The following CTIF variants were observed in gnomAD, a reference collection of about 807,000 sequenced individuals.
CTIF encodes CBP80/20-dependent translation initiation factor.
A neutral mutation model predicts 66.0 loss-of-function variants in CTIF; 21 were observed. The observed-to-expected ratio is 0.32, with a 90% CI of 0.23 to 0.46. CTIF has a LOEUF of 0.46. Among genes scored for constraint, CTIF ranks in the 20% least tolerant of loss-of-function variants. The pLI is 1.00. For synonymous variants in CTIF, 345 were observed against 326.4 expected, an observed-to-expected ratio of 1.06 and a Z score of -0.62; for missense variants, 739 against 812.7, an observed-to-expected ratio of 0.91 and a Z score of 1.10.
At chr18:48,839,149 C>G (rs2068880623) in intron 10 of CTIF, among the ~76,000 whole-genome samples, 1 of 152,162 alleles carries the variant, frequency 6.6e-6, no homozygotes, top group Non-Finnish European at 1.5e-5. Flanking sequence ...GGCTAGGCCA[C>G]TGTTTCCTTT....
chr18:48,574,039 T>C (rs2089478158), intron 1 of CTIF, among the ~76,000 whole-genome samples: 1 of 152,138 alleles, frequency 6.6e-6, no homozygotes, highest in South Asian at 2.1e-4. Context: ...TCAGGTCTGA[T>C]TTGCAGTCAT....
intron 7 of CTIF, among the ~76,000 whole-genome samples, chr18:48,721,682 G>C (rs1178390574): frequency 2.0e-5 from 3 of 152,210 alleles, no homozygotes; most frequent in Non-Finnish European, 4.4e-5. Flanking sequence ...TAGATGCCAT[G>C]TGATGGCAGA....
At chr18:48,644,507 T>G (rs1568099486) in intron 3 of CTIF, among the ~76,000 whole-genome samples, 1 of 152,198 alleles carries the variant, frequency 6.6e-6, no homozygotes, top group Non-Finnish European at 1.5e-5. Flanking sequence ...ATGTCTGTCT[T>G]TCAGAAAATG....
chr18:48,546,264 T>A (rs2088747752), intron 1 of CTIF, among the ~76,000 whole-genome samples: 1 of 152,190 alleles, frequency 6.6e-6, no homozygotes, highest in Non-Finnish European at 1.5e-5. Flanking sequence ...GTCCAGTCTT[T>A]GCATGTTTGA....
chr18:48,570,034 A>T (rs970396188), intron 1 of CTIF, among the ~76,000 whole-genome samples: 1 of 152,200 alleles, frequency 6.6e-6, no homozygotes, highest in African/African-American at 2.4e-5. Flanking sequence ...ACCTGCAAAC[A>T]TTTTACCTCC....
chr18:48,859,296 G>T lies in CTIF; in HGVS notation c.1582-48G>T. The stretch of plus-strand genomic sequence containing the variant: ...CCCACCTAATCAGGGTGGCCAGTGG[G>T]CCACTGTGGGACCCGAGGCCATCCT... On this transcript the variant is annotated intron_variant, in intron 11 of 11. Coordinates refer to ENST00000256413, the MANE Select transcript of CTIF (RefSeq NM_014772.3). 1.9e-6 allele frequency: 3 copies of T among 1,551,702 alleles called. No homozygotes were observed. The South Asian group carries it at 3.3e-5, about 17-fold the overall frequency.
chr18:48,598,229 A>G (rs1286369766), intron 1 of CTIF, among the ~76,000 whole-genome samples: 1 of 152,244 alleles, frequency 6.6e-6, no homozygotes, highest in Non-Finnish European at 1.5e-5. Context: ...GGAACATCAC[A>G]GGCATCCCCT....
At chr18:48,749,645 A>G (rs1267233129) in intron 7 of CTIF, among the ~76,000 whole-genome samples, 2 of 152,242 alleles carry the variant, frequency 1.3e-5, no homozygotes, top group African/African-American at 4.8e-5. Flanking sequence ...AAGTCCTTTA[A>G]AACTCACAAG....
At chr18:48,728,615 G>T (rs2092407369) in intron 7 of CTIF, among the ~76,000 whole-genome samples, 1 of 152,118 alleles carries the variant, frequency 6.6e-6, no homozygotes, top group African/African-American at 2.4e-5. Flanking sequence ...TCACGGATGT[G>T]GTTGCTGGCA....
chr18:48,648,963 T>C (rs1389944150), intron 3 of CTIF, among the ~76,000 whole-genome samples: 2 of 152,072 alleles, frequency 1.3e-5, no homozygotes, highest in Non-Finnish European at 2.9e-5. Flanking sequence ...CTACTAAAAA[T>C]ACAAAAATTG....
At chr18:48,567,815 GAC>G (rs1222404764) in intron 1 of CTIF, 1 of 152,342 alleles carries the variant, frequency 6.6e-6, no homozygotes, top group Admixed American at 6.5e-5. Context: ...TGGGGGGCTT[GAC>G]ACACTCTGCA....
At chr18:48,708,978 G>A (rs375368155) in intron 6 of CTIF, among the ~76,000 whole-genome samples, 5 of 149,728 alleles carry the variant, frequency 3.3e-5, no homozygotes, top group Admixed American at 2.6e-4. Context: ...GAAAGATAAC[G>A]ATGATGATGA....
At chr18:48,675,074 T>C (rs1426634051) in intron 6 of CTIF, among the ~76,000 whole-genome samples, 1 of 59,538 alleles carries the variant, frequency 1.7e-5, no homozygotes, top group African/African-American at 6.5e-5. Flanking sequence ...GGGTGGGAGA[T>C]GGGGGGCAGC....
At chr18:48,848,881 G>T (rs907380648) in intron 10 of CTIF, among the ~76,000 whole-genome samples, 3 of 152,240 alleles carry the variant, frequency 2.0e-5, no homozygotes, top group Admixed American at 2.0e-4. Context: ...CTCCGCCAGA[G>T]ACAATAGGAC....
chr18:48,686,552 C>T (rs2091843440), intron 6 of CTIF, among the ~76,000 whole-genome samples: 1 of 152,136 alleles, frequency 6.6e-6, no homozygotes, highest in Non-Finnish European at 1.5e-5. Context: ...TTACTCTCTC[C>T]TCCCTCATTC....
At chr18:48,659,806 G>A (rs1254246133) in intron 3 of CTIF, among the ~76,000 whole-genome samples, 1 of 152,238 alleles carries the variant, frequency 6.6e-6, no homozygotes, top group Non-Finnish European at 1.5e-5. Context: ...GGAGACACAG[G>A]AGTCAGGAGG....
At chr18:48,694,501 T>G (rs1187700739) in intron 6 of CTIF, among the ~76,000 whole-genome samples, 1 of 152,214 alleles carries the variant, frequency 6.6e-6, no homozygotes, top group East Asian at 1.9e-4. Context: ...CCCCTGAAAG[T>G]AGGTCAGATC....
At chr18:48,859,045 C>T (rs2069396362) in intron 11 of CTIF, among the ~76,000 whole-genome samples, 1 of 152,136 alleles carries the variant, frequency 6.6e-6, no homozygotes, top group South Asian at 2.1e-4. Context: ...AAGAGGGAGG[C>T]TCTTGGGTAA....
chr18:48,844,424 C>T (rs2069021960), intron 10 of CTIF, among the ~76,000 whole-genome samples: 1 of 152,238 alleles, frequency 6.6e-6, no homozygotes, highest in Admixed American at 6.5e-5. Context: ...CTACCCTGAG[C>T]CCCAAATTAT....
Sources: allele counts gnomAD v4.1 joint callset (sites outside exome capture counted in the v4.1 genomes callset), GRCh38; gene constraint gnomAD v4.1.1; transcripts MANE v1.5; gene names NCBI Gene and HGNC (gene_info 2026-07-23, HGNC 2026-07-21).